The following DIS3L2 variants were observed in gnomAD, a reference collection of about 807,000 sequenced individuals.
DIS3L2 encodes the protein DIS3 like 3'-5' exoribonuclease 2.
DIS3L2 carries 34 observed loss-of-function variants against 97.5 expected under a neutral mutation model. That is an observed-to-expected ratio of 0.35 (90% CI 0.27 to 0.46). The LOEUF (loss-of-function observed/expected upper bound fraction) is 0.46. Among genes scored for constraint, DIS3L2 ranks in the 20% least tolerant of loss-of-function variants. DIS3L2 has a pLI of 1.00. For missense variants in DIS3L2, 1,038 were observed against 1,146.0 expected (o/e 0.91, Z 1.36); for synonymous variants, 435 against 445.2 (o/e 0.98, Z 0.29).
chr2:232,067,797 C>A lies in DIS3L2; in HGVS notation c.367-19690C>A, dbSNP rs563892153. On this transcript the variant is annotated intron_variant, in intron 5 of 20. Transcript: ENST00000325385. ...TGGTTTAAAGCTTTTTTATTAGGTGCATATACATTTGTAATCATTATATTT... is the reference window on the plus strand; with the variant it reads ...TGGTTTAAAGCTTTTTTATTAGGTGAATATACATTTGTAATCATTATATTT... Among the ~76,000 whole-genome samples the A allele has an allele frequency of 5.3e-5, 8 of 152,220 alleles. No individual in the cohort carries two copies. The South Asian group carries it at 1.7e-3, about 32-fold the overall frequency.
intron 9 of DIS3L2, among the ~76,000 whole-genome samples, chr2:232,170,822 G>C (rs1645481770): frequency 6.6e-6 from 1 of 152,134 alleles, no homozygotes; most frequent in South Asian, 2.1e-4. Flanking sequence ...AGATGGAGCT[G>C]TTCCAAAGAG....
chr2:232,328,224 C>T (rs1349387625), intron 14 of DIS3L2, among the ~76,000 whole-genome samples: 2 of 152,210 alleles, frequency 1.3e-5, no homozygotes, highest in Non-Finnish European at 2.9e-5. Context: ...TGTGGTCACA[C>T]ATCCCAGCTG....
chr2:232,257,004 G>A (rs1693584273), intron 12 of DIS3L2, among the ~76,000 whole-genome samples: 1 of 152,166 alleles, frequency 6.6e-6, no homozygotes, highest in Non-Finnish European at 1.5e-5. Flanking sequence ...TGTAGTCCCA[G>A]CTACTTGGGA....
At chr2:232,340,728 C>CAAAG (rs750962353), downstream of DIS3L2, 1 of 470,354 alleles carries the variant, frequency 2.1e-6, no homozygotes, top group East Asian at 6.9e-5. Flanking sequence ...CAGCAGGAGA[C>CAAAG]AAAGAACCCA....
chr2:232,340,465 C>T (rs990086751), downstream of DIS3L2, among the ~76,000 whole-genome samples: 1 of 152,162 alleles, frequency 6.6e-6, no homozygotes, highest in South Asian at 2.1e-4. Context: ...CCTGTCCCGA[C>T]CTCTTACTGG....
intron 7 of DIS3L2, among the ~76,000 whole-genome samples, chr2:232,134,287 G>A (rs747525818): frequency 1.4e-4 from 22 of 152,244 alleles, no homozygotes; most frequent in Middle Eastern, 3.4e-3. Context: ...GCAGAATGGG[G>A]ACAGGTGAAA....
chr2:232,317,926 C>T (rs967216080), intron 14 of DIS3L2, among the ~76,000 whole-genome samples: 17 of 152,156 alleles, frequency 1.1e-4, no homozygotes, highest in Non-Finnish European at 2.4e-4. Flanking sequence ...AATAACCCTG[C>T]GAGGTAGGTA....
intron 15 of DIS3L2, 107 bp downstream of exon 15, chr2:232,330,103 C>T (rs112206314): frequency 5.9e-6 from 8 of 1,362,686 alleles, no homozygotes; most frequent in Non-Finnish European, 7.9e-6. Context: ...GAGTCCCTCC[C>T]CTTCAGCCAG....
At chr2:232,149,188 TAA>T (rs1690319324) in intron 8 of DIS3L2, among the ~76,000 whole-genome samples, 1 of 142,970 alleles carries the variant, frequency 7.0e-6, no homozygotes, top group Non-Finnish European at 1.5e-5. Context: ...TTCCAGCGCT[TAA>T]AAGTTTTTTT....
At chr2:232,290,980 G>A (rs1694584291) in intron 13 of DIS3L2, among the ~76,000 whole-genome samples, 1 of 152,334 alleles carries the variant, frequency 6.6e-6, no homozygotes, top group Admixed American at 6.5e-5. Context: ...TTGTGAAGTT[G>A]AGCGTCAGGA....
downstream of DIS3L2, among the ~76,000 whole-genome samples, chr2:232,340,245 G>A (rs887911174): frequency 2.6e-5 from 4 of 151,722 alleles, no homozygotes; most frequent in African/African-American, 7.3e-5. Context: ...TGTCCCAGGC[G>A]TAGCTGACCT....
intron 5 of DIS3L2, among the ~76,000 whole-genome samples, chr2:232,052,449 C>A (rs1442770407): frequency 1.3e-5 from 2 of 152,156 alleles, no homozygotes; most frequent in Admixed American, 1.3e-4. Flanking sequence ...TCAGTTAGTA[C>A]CAGCTCAGAC....
At chr2:232,200,787 T>A (rs72992356) in intron 9 of DIS3L2, among the ~76,000 whole-genome samples, 2 of 106,044 alleles carry the variant, frequency 1.9e-5, no homozygotes, top group East Asian at 7.2e-4. Context: ...AAGGTTTTTT[T>A]TTTTTTTTTT....
exon 14 of DIS3L2, chr2:232,343,435 C>T (rs754942499): frequency 1.3e-5 from 21 of 1,555,854 alleles, no homozygotes; most frequent in African/African-American, 5.5e-5. Flanking sequence ...CACAGAGGAA[C>T]GCCTGCCTGA....
rs909949562 is a variant in DIS3L2, at chr2:232,293,747, A to G, written c.1660-6293A>G. Among the ~76,000 whole-genome samples the G allele has an allele frequency of 6.6e-6, 1 of 152,188 alleles. No individual in the cohort carries two copies. The highest frequency in any genetic ancestry group is 6.5e-5 in the Admixed American group (1 of 15,284). On this transcript the variant is annotated intron_variant, in intron 13 of 20. Transcript: ENST00000325385. The surrounding 1 kb of genome is among the most constrained non-coding windows in gnomAD (Gnocchi z 4.6). ...TTGTTCATGTGAACAACCAACCTTC[A>G]GCGAGCCTGGGCTGTGTTGAATTCA...
intron 8 of DIS3L2, among the ~76,000 whole-genome samples, chr2:232,149,368 C>T (rs1202296089): frequency 9.9e-6 from 1 of 101,186 alleles, no homozygotes; most frequent in African/African-American, 4.1e-5. Context: ...CCACCACAGT[C>T]CCCAGAGTGT....
At chr2:232,086,605 G>A (rs372307300) in intron 5 of DIS3L2, among the ~76,000 whole-genome samples, 3 of 49,520 alleles carry the variant, frequency 6.1e-5, no homozygotes, top group Non-Finnish European at 1.1e-4. Flanking sequence ...ATATATATGT[G>A]TGTGTGTGTA....
intron 14 of DIS3L2, among the ~76,000 whole-genome samples, chr2:232,318,881 G>A (rs1490194348): frequency 6.6e-6 from 1 of 152,198 alleles, no homozygotes; most frequent in Non-Finnish European, 1.5e-5. Flanking sequence ...TGGATAGAAG[G>A]AGAATGGCTC....
chr2:232,169,681 T>A (rs139243225), intron 9 of DIS3L2, among the ~76,000 whole-genome samples: 25 of 152,274 alleles, frequency 1.6e-4, no homozygotes, highest in African/African-American at 6.0e-4. Context: ...GGTCACTTAA[T>A]CCCCTGTCCT....
Sources: gnomAD v4.1 joint callset for allele counts (sites outside exome capture counted in the v4.1 genomes callset) on GRCh38, gnomAD v4.1.1 for gene constraint, Gnocchi (gnomAD v3.1) non-coding constraint, MANE v1.5 for transcripts, NCBI Gene and HGNC (gene_info 2026-07-23, HGNC 2026-07-21) for gene names.